The following CNTN1 variants were observed in gnomAD, a reference collection of about 807,000 sequenced individuals.
CNTN1 encodes the protein contactin 1, also known as contactin-1.
CNTN1 carries 38 observed loss-of-function variants against 126.4 expected under a neutral mutation model. That is an observed-to-expected ratio of 0.30 (90% confidence interval 0.23 to 0.39). The LOEUF is 0.39. Among genes scored for constraint, CNTN1 ranks in the 10% least tolerant of loss-of-function variants. The probability of loss-of-function intolerance (pLI) is 1.00; values close to 1 mark genes in which losing one functional copy is unlikely to be tolerated. For missense variants in CNTN1, 1,009 were observed against 1,248.4 expected (o/e 0.81, Z 2.89); for synonymous variants, 413 against 422.6 (o/e 0.98, Z 0.28).
At chr12:40,925,588 C>CGTGT (rs1565961744) in intron 6 of CNTN1, among the ~76,000 whole-genome samples, 89 of 125,738 alleles carry the variant, frequency 7.1e-4, no homozygotes, top group Admixed American at 2.4e-3. Flanking sequence ...CGTATATATA[C>CGTGT]ATGTATATAT....
intron 1 of CNTN1, among the ~76,000 whole-genome samples, chr12:40,786,782 G>A (rs1012772950): frequency 2.6e-5 from 4 of 152,084 alleles, no homozygotes; most frequent in Non-Finnish European, 4.4e-5. Flanking sequence ...TGCAACAATG[G>A]AATCCAGAAG....
intron 1 of CNTN1, among the ~76,000 whole-genome samples, chr12:40,778,305 G>C (rs1219553812): frequency 6.6e-6 from 1 of 151,738 alleles, no homozygotes; most frequent in African/African-American, 2.4e-5. Flanking sequence ...CCCCTGTACT[G>C]TTTTTGTAAA....
intron 1 of CNTN1, among the ~76,000 whole-genome samples, chr12:40,784,221 G>A (rs370529131): frequency 2.6e-5 from 4 of 152,056 alleles, no homozygotes; most frequent in African/African-American, 9.7e-5. Context: ...TTCATATGGC[G>A]CTATCAATAT....
At chr12:40,922,698 C>A (rs527926826) in intron 5 of CNTN1, among the ~76,000 whole-genome samples, 16 of 152,038 alleles carry the variant, frequency 1.1e-4, no homozygotes, top group African/African-American at 1.4e-4. Flanking sequence ...TCAGGCTGGG[C>A]GCGGTGGCTC....
At chr12:40,968,852 G>A (rs1179377876) in intron 15 of CNTN1, among the ~76,000 whole-genome samples, 1 of 152,118 alleles carries the variant, frequency 6.6e-6, no homozygotes, top group Non-Finnish European at 1.5e-5. Flanking sequence ...TGTTCCCAAA[G>A]ACAGAAGTCA....
intron 1 of CNTN1, among the ~76,000 whole-genome samples, chr12:40,840,509 A>G (rs1942234753): frequency 6.6e-6 from 1 of 152,102 alleles, no homozygotes; most frequent in South Asian, 2.1e-4. Context: ...AGACATTTAC[A>G]CAACATTCTA....
intron 17 of CNTN1, among the ~76,000 whole-genome samples, chr12:41,009,234 C>T (rs1302203201): frequency 6.6e-6 from 1 of 152,188 alleles, no homozygotes; most frequent in African/African-American, 2.4e-5. Flanking sequence ...AAGTTTTTAA[C>T]TGGATGGTGG....
At chr12:40,992,000 T>A (rs1215664747) in intron 16 of CNTN1, among the ~76,000 whole-genome samples, 1 of 152,176 alleles carries the variant, frequency 6.6e-6, no homozygotes, top group Admixed American at 6.5e-5. Context: ...CGATTTGGTG[T>A]GAGGGAGGAG....
At chr12:40,731,260 C>T (rs1942493579) in intron 1 of CNTN1, among the ~76,000 whole-genome samples, 1 of 151,956 alleles carries the variant, frequency 6.6e-6, no homozygotes, top group African/African-American at 2.4e-5. Context: ...GATATAACAA[C>T]ATATTTTGGG....
In CNTN1 at chr12:40,844,069, A is replaced by ATTTTTTTTTTTTTTTTT. The variant is rs397957366; in HGVS notation, c.-76-64272_-76-64271insTTTTTTTTTTTTTTTTT. Among the ~76,000 whole-genome samples, 72 of 84,642 alleles carry ATTTTTTTTTTTTTTTTT rather than the reference A, an allele frequency of 8.5e-4. 15 individuals are homozygous for ATTTTTTTTTTTTTTTTT. Among genetic ancestry groups the ATTTTTTTTTTTTTTTTT allele is most frequent in the African/African-American group, 9.7e-4 (24 of 24,730 alleles). 55.5% of individuals were successfully genotyped at this position (84,642 alleles called of 152,430 possible). A position where few individuals can be genotyped will look rare whatever the true frequency, so the allele number is the denominator to read the frequency against. The stretch of plus-strand genomic sequence containing the variant: ...ATTGAAAAAATTCTTTGGCACAATG[A>ATTTTTTTTTTTTTTTTT]TTTTTTTTTTTTTTTTGAGACGGAG... On this transcript the variant is annotated intron_variant, in intron 1 of 23. Coordinates refer to ENST00000551295, the MANE Select transcript of CNTN1 (RefSeq NM_001843.4).
intron 16 of CNTN1, among the ~76,000 whole-genome samples, chr12:40,987,336 T>G (rs928869622): frequency 6.6e-6 from 1 of 152,182 alleles, no homozygotes; most frequent in Non-Finnish European, 1.5e-5. Flanking sequence ...ACTATGTACT[T>G]TTAAGGCAAT....
At chr12:41,002,529 C>G (rs1948386584) in intron 17 of CNTN1, among the ~76,000 whole-genome samples, 1 of 147,016 alleles carries the variant, frequency 6.8e-6, no homozygotes, top group African/African-American at 2.5e-5. Context: ...GCTTAAGAAG[C>G]TTTTGGGCTG....
Position 40,897,374 on chromosome 12 carries a change from T to C in CNTN1, c.-76-10983T>C, listed in dbSNP as rs140241872. 5.0e-3 allele frequency among the ~76,000 whole-genome samples: 756 copies of C among 152,322 alleles called. 4 individuals carry two copies. The highest frequency in any genetic ancestry group is 0.017 in the African/African-American group (709 of 41,576). ...TAACTAGGTGCTAAGCTTTTGAAGTTTGAGAATTTGCTTCTACTGTTATTA... is the reference window on the plus strand; with the variant it reads ...TAACTAGGTGCTAAGCTTTTGAAGTCTGAGAATTTGCTTCTACTGTTATTA... On this transcript the variant is annotated intron_variant, in intron 1 of 23. Coordinates refer to ENST00000551295, the MANE Select transcript of CNTN1 (RefSeq NM_001843.4).
chr12:40,986,399 T>C (rs973600158), intron 16 of CNTN1, among the ~76,000 whole-genome samples: 1 of 152,188 alleles, frequency 6.6e-6, no homozygotes, highest in African/African-American at 2.4e-5. Context: ...GATTTGTAGT[T>C]GAGATGATCT....
At chr12:41,032,927 A>G (rs896263705) in intron 23 of CNTN1, among the ~76,000 whole-genome samples, 2 of 152,210 alleles carry the variant, frequency 1.3e-5, no homozygotes, top group African/African-American at 4.8e-5. Context: ...TAACTGTTGA[A>G]TTAATTCATG....
intron 1 of CNTN1, among the ~76,000 whole-genome samples, chr12:40,899,851 T>A (rs898284765): frequency 1.3e-5 from 2 of 152,182 alleles, no homozygotes; most frequent in African/African-American, 4.8e-5. Context: ...CACTGACTTA[T>A]TGTTATGAAA....
At chr12:41,059,373 A>T (rs548293880) in intron 23 of CNTN1, among the ~76,000 whole-genome samples, 7 of 152,284 alleles carry the variant, frequency 4.6e-5, no homozygotes, top group African/African-American at 1.7e-4. Context: ...AACCAGTGAG[A>T]GAATGGGATT....
intron 23 of CNTN1, among the ~76,000 whole-genome samples, chr12:41,063,336 A>G (rs747161056): frequency 2.6e-5 from 4 of 152,214 alleles, no homozygotes; most frequent in Non-Finnish European, 5.9e-5. Context: ...CGTTTTTCCA[A>G]TTACCACAAA....
At chr12:40,784,420 C>T (rs184268555) in intron 1 of CNTN1, among the ~76,000 whole-genome samples, 91 of 152,182 alleles carry the variant, frequency 6.0e-4, no homozygotes, top group Non-Finnish European at 8.5e-4. Context: ...TGAGTCACTT[C>T]AGTTTTTCAA....
Sources: allele counts gnomAD v4.1 joint callset (sites outside exome capture counted in the v4.1 genomes callset), GRCh38; gene constraint gnomAD v4.1.1; transcripts MANE v1.5; gene names NCBI Gene and HGNC (gene_info 2026-07-23, HGNC 2026-07-21).